The following CSRNP3 variants were observed in gnomAD, a reference collection of about 807,000 sequenced individuals.
CSRNP3 encodes cysteine and serine rich nuclear protein 3, also known as cysteine/serine-rich nuclear protein 3.
In CSRNP3, 12 loss-of-function variants were observed where a neutral mutation model predicts 48.0. The ratio of observed to expected loss-of-function variants is 0.25; its 90% CI spans 0.16 to 0.41. CSRNP3 has a LOEUF of 0.41. Ranked by LOEUF, CSRNP3 falls within the 10% of genes least tolerant of loss-of-function variation. CSRNP3 has a pLI of 1.00. For missense variants in CSRNP3, 580 were observed against 724.4 expected (o/e 0.80, Z 2.29); for synonymous variants, 263 against 269.7 (o/e 0.98, Z 0.24).
chr2:165,535,807 T>C (rs1684874117), intron 3 of CSRNP3, among the ~76,000 whole-genome samples: 1 of 151,774 alleles, frequency 6.6e-6, no homozygotes, highest in African/African-American at 2.4e-5. Flanking sequence ...GAAACTAAAT[T>C]AAGTATGGTG....
At chr2:165,577,665 T>C (rs1006253531) in intron 3 of CSRNP3, among the ~76,000 whole-genome samples, 2 of 151,754 alleles carry the variant, frequency 1.3e-5, no homozygotes, top group South Asian at 2.1e-4. Context: ...AATAGCCTCT[T>C]ACTATTATAT....
At chr2:165,555,470 T>G (rs1685149780) in intron 3 of CSRNP3, among the ~76,000 whole-genome samples, 1 of 152,180 alleles carries the variant, frequency 6.6e-6, no homozygotes, top group Non-Finnish European at 1.5e-5. Flanking sequence ...GCGAGCAATA[T>G]GACTCCTGTG....
intron 2 of CSRNP3, among the ~76,000 whole-genome samples, chr2:165,496,724 A>G (rs1684288150): frequency 6.6e-6 from 1 of 151,650 alleles, no homozygotes; most frequent in African/African-American, 2.4e-5. Flanking sequence ...AAAACCCTAT[A>G]CCTTTGAGAT....
At chr2:165,559,792 CTTTCTTTTTTTTTT>C (rs1262507314) in intron 3 of CSRNP3, among the ~76,000 whole-genome samples, 1 of 107,296 alleles carries the variant, frequency 9.3e-6, no homozygotes, top group Non-Finnish European at 1.9e-5. Flanking sequence ...ATTTTTCTTT[CTTTCTTTTTTTTTT>C]TTTTTTTTTT....
intron 3 of CSRNP3, among the ~76,000 whole-genome samples, chr2:165,544,652 G>A (rs1219617431): frequency 6.6e-6 from 1 of 152,168 alleles, no homozygotes; most frequent in Non-Finnish European, 1.5e-5. Context: ...CTGATAGCTT[G>A]TGAGATGCTA....
intron 2 of CSRNP3, among the ~76,000 whole-genome samples, chr2:165,506,204 A>G (rs911954151): frequency 1.4e-4 from 21 of 152,178 alleles, no homozygotes; most frequent in African/African-American, 4.8e-4. Context: ...CTTGAAGACA[A>G]GAAGGCATCT....
intron 3 of CSRNP3, among the ~76,000 whole-genome samples, chr2:165,557,563 A>G (rs1452198109): frequency 6.6e-6 from 1 of 152,218 alleles, no homozygotes; most frequent in Non-Finnish European, 1.5e-5. Context: ...CTGTGCAAAT[A>G]TAGACCAGTT....
chr2:165,525,482 C>G (rs1574821142), intron 3 of CSRNP3, among the ~76,000 whole-genome samples: 1 of 145,096 alleles, frequency 6.9e-6, no homozygotes, highest in Admixed American at 6.8e-5. Flanking sequence ...TTTTTTTCTT[C>G]TTCTTCTTTT....
At chr2:165,494,276 A>G (rs1031471618) in intron 1 of CSRNP3, among the ~76,000 whole-genome samples, 1 of 152,074 alleles carries the variant, frequency 6.6e-6, no homozygotes, top group Non-Finnish European at 1.5e-5. Context: ...TTTTTGATGG[A>G]CAAAGAGCCC....
chr2:165,526,817 G>T (rs916454770), intron 3 of CSRNP3, among the ~76,000 whole-genome samples: 8 of 152,148 alleles, frequency 5.3e-5, no homozygotes, highest in Admixed American at 2.0e-4. Context: ...TCATACTACA[G>T]AGATGGGCCA....
chr2:165,532,547 A>T (rs1011798494), intron 3 of CSRNP3, among the ~76,000 whole-genome samples: 2 of 152,106 alleles, frequency 1.3e-5, no homozygotes, highest in Non-Finnish European at 2.9e-5. Context: ...TTAGGTATTG[A>T]TGGGACGTAT....
chr2:165,625,115 G>T (rs1010831485), intron 4 of CSRNP3, among the ~76,000 whole-genome samples: 4 of 152,134 alleles, frequency 2.6e-5, no homozygotes, highest in African/African-American at 9.7e-5. Flanking sequence ...TCCTAGGCAG[G>T]TTACTAAATG....
chr2:165,639,365 C>G (rs1449034655), intron 4 of CSRNP3, among the ~76,000 whole-genome samples: 1 of 152,156 alleles, frequency 6.6e-6, no homozygotes, highest in Non-Finnish European at 1.5e-5. Flanking sequence ...TTTCACTGTT[C>G]TGCGAGGTCT....
rs1685414473 is a variant in CSRNP3, at chr2:165,574,293, A to G, written c.-23-20750A>G. 5.5e-6 allele frequency: 7 copies of G among 1,284,138 alleles called. No homozygotes were observed. In the Admixed American group the frequency reaches 1.4e-4, roughly 26 times the overall value. 79.5% of individuals were successfully genotyped at this position (1,284,138 alleles called of 1,614,324 possible). A position where few individuals can be genotyped will look rare whatever the true frequency, so the allele number is the denominator to read the frequency against. On this transcript the variant is annotated intron_variant, in intron 3 of 6. Coordinates refer to ENST00000651982, the MANE Select transcript of CSRNP3 (RefSeq NM_001172173.2). ...GTTCAAAGGTCACAGGGCTGGTGGA[A>G]AGCTGGATCAGTTGCCTGAAAAAAA...
At position 165,676,573 on chromosome 2, in the gene CSRNP3, A is replaced by G. The variant is rs531777268; in HGVS notation, c.670A>G (p.Thr224Ala). Residue 224 changes from threonine (T) to alanine (A), a missense_variant, in exon 6 of 7, where the codon ACG becomes GCG. By Grantham distance (58) the Thr-to-Ala change is moderately conservative. Coordinates refer to ENST00000651982, the MANE Select transcript of CSRNP3 (RefSeq NM_001172173.2). ...CTGCCGAGTGTTCTGTGATCCAGAC[A>G]CGTGCACCTGCAGCCTGGCTGGCAT... Reference protein sequence around the residue: ...CDCRVFCDPDTCTCSLAGIKC... With the variant: ...CDCRVFCDPDACTCSLAGIKC... The G allele has an allele frequency of 1.2e-6, 2 of 1,613,634 alleles. No individual in the cohort carries two copies. Among genetic ancestry groups the G allele is most frequent in the East Asian group, 4.5e-5 (2 of 44,856 alleles).
intron 1 of CSRNP3, among the ~76,000 whole-genome samples, chr2:165,475,830 A>G (rs1374301169): frequency 1.3e-5 from 2 of 151,984 alleles, no homozygotes; most frequent in Non-Finnish European, 2.9e-5. Context: ...CAGACTTTTT[A>G]TTGTCCAAAC....
At chr2:165,562,091 A>G (rs1249238010) in intron 3 of CSRNP3, among the ~76,000 whole-genome samples, 1 of 152,134 alleles carries the variant, frequency 6.6e-6, no homozygotes, top group Non-Finnish European at 1.5e-5. Flanking sequence ...CAAAATGTAA[A>G]AATGTTTACA....
chr2:165,546,874 C>T (rs960021571), intron 3 of CSRNP3, among the ~76,000 whole-genome samples: 3 of 152,168 alleles, frequency 2.0e-5, no homozygotes, highest in African/African-American at 7.2e-5. Flanking sequence ...GATGGATTTA[C>T]AACTGACTTA....
At chr2:165,658,702 T>C (rs913534711) in intron 5 of CSRNP3, among the ~76,000 whole-genome samples, 1 of 152,126 alleles carries the variant, frequency 6.6e-6, no homozygotes, top group African/African-American at 2.4e-5. Context: ...AAGGCACTTA[T>C]TACATGGCGG....
Sources: allele counts gnomAD v4.1 joint callset (sites outside exome capture counted in the v4.1 genomes callset), GRCh38; gene constraint gnomAD v4.1.1; transcripts MANE v1.5; gene names NCBI Gene and HGNC (gene_info 2026-07-23, HGNC 2026-07-21).